The following PCDHGA4 variants were observed in gnomAD, a reference collection of about 807,000 sequenced individuals.
The protein encoded by PCDHGA4 is protocadherin gamma-A4.
A neutral mutation model predicts 54.6 loss-of-function variants in PCDHGA4; 38 were observed. The observed-to-expected ratio is 0.70, with a 90% CI of 0.54 to 0.91. PCDHGA4 has a LOEUF of 0.91. Ranked by LOEUF, PCDHGA4 falls within the 40% of genes least tolerant of loss-of-function variation. PCDHGA4 has a pLI of 0.00. For missense variants in PCDHGA4, 1,298 were observed against 1,220.9 expected (o/e 1.06, Z -0.94); for synonymous variants, 511 against 512.9 (o/e 1.00, Z 0.05).
chr5:141,484,549 G>A (rs939394402), intron 1 of PCDHGA4, among the ~76,000 whole-genome samples: 1 of 152,162 alleles, frequency 6.6e-6, no homozygotes, highest in African/African-American at 2.4e-5. Context: ...GTTCTAATTA[G>A]CAGTTGCTCC....
intron 1 of PCDHGA4, chr5:141,360,018 A>T: frequency 3.3e-6 from 4 of 1,225,148 alleles, no homozygotes; most frequent in Non-Finnish European, 4.4e-6. Flanking sequence ...CACACAGAGA[A>T]GGCCAGTATA....
chr5:141,417,683 A>AAG lies in PCDHGA4; in HGVS notation c.2514+60063_2514+60064insGA, dbSNP rs201105096. 3.0e-3 allele frequency: 3,154 copies of AAG among 1,038,272 alleles called. 110 individuals carry two copies. In the East Asian group the frequency reaches 0.071, roughly 24 times the overall value. The allele number at this position is 1,038,272 out of a possible 1,614,324, so 64.3% of individuals were successfully genotyped here. The stretch of plus-strand genomic sequence containing the variant: ...GATTCCCTGCGCAGCCAACAACAGA[A>AAG]AAGAAAACCAGCTCCCACACAGAGG... On this transcript the variant is annotated intron_variant, in intron 1 of 3. Transcript: ENST00000571252.
At chr5:141,360,289 A>G in intron 1 of PCDHGA4, 6 of 1,613,996 alleles carry the variant, frequency 3.7e-6, no homozygotes, top group Middle Eastern at 1.6e-4. Flanking sequence ...AAACCTCGCC[A>G]AGGATCTGGG....
At position 141,487,075 on chromosome 5, in the gene PCDHGA4, C is replaced by T. The variant is rs755563146; in HGVS notation, c.2515-7732C>T. The T allele has an allele frequency of 1.9e-6, 3 of 1,614,116 alleles. No individual in the cohort carries two copies. The highest frequency in any genetic ancestry group is 2.5e-6 in the Non-Finnish European group (3 of 1,179,982). ...GGGAGGTGCGGACGGCTGTTCCTATCCCAGCTGACCTCCCACCACAGAAGC... is the reference window on the plus strand; with the variant it reads ...GGGAGGTGCGGACGGCTGTTCCTATTCCAGCTGACCTCCCACCACAGAAGC... On this transcript the variant is annotated intron_variant, in intron 1 of 3. Transcript: ENST00000571252. This position sits in a 1 kb window ranked among gnomAD's most constrained non-coding sequence, Gnocchi z 5.0.
Position 141,477,102 on chromosome 5 carries a change from C to T in PCDHGA4, c.2515-17705C>T. 2.5e-6 allele frequency: 4 copies of T among 1,614,232 alleles called. No homozygotes were observed. The South Asian group carries it at 4.4e-5, about 18-fold the overall frequency. On this transcript the variant is annotated intron_variant, in intron 1 of 3. Coordinates refer to ENST00000571252, the MANE Select transcript of PCDHGA4 (RefSeq NM_018917.4). This position sits in a 1 kb window ranked among gnomAD's most constrained non-coding sequence, Gnocchi z 4.9. Reference sequence around the variant, plus strand: ...TACATCCAGGCCAAAGACAAGGGCGCCAATCCCGAAGGAGCACATTGCAAA... The same window carrying T: ...TACATCCAGGCCAAAGACAAGGGCGTCAATCCCGAAGGAGCACATTGCAAA...
Position 141,432,248 on chromosome 5 carries a change from C to T in PCDHGA4, c.2515-62559C>T. Reference sequence around the variant, plus strand: ...TTATTCCCTGGCTGAGAACACCATCCAAGGGGCAAGCCTATCGTCCTACGT... The same window carrying T: ...TTATTCCCTGGCTGAGAACACCATCTAAGGGGCAAGCCTATCGTCCTACGT... On this transcript the variant is annotated intron_variant, in intron 1 of 3. Transcript: ENST00000571252. This position sits in a 1 kb window ranked among gnomAD's most constrained non-coding sequence, Gnocchi z 6.0. 1.2e-6 allele frequency: 2 copies of T among 1,614,244 alleles called. No individual in the cohort carries two copies. Among genetic ancestry groups the T allele is most frequent in the South Asian group, 1.1e-5 (1 of 91,090 alleles).
In PCDHGA4 at chr5:141,453,101, TTTTTG is replaced by T. The variant is rs879618609; in HGVS notation, c.2515-41681_2515-41677del. ...GTTGATTAGTATATTTTCTGTTGCT[TTTTTG>T]TTTTGTTTTGTTTTGTTTTGTTTTT... On this transcript the variant is annotated intron_variant, in intron 1 of 3. Transcript: ENST00000571252. 4.4e-4 allele frequency among the ~76,000 whole-genome samples: 67 copies of T among 152,130 alleles called. 1 individual carries two copies. Among genetic ancestry groups the T allele is most frequent in the African/African-American group, 1.4e-3 (58 of 41,484 alleles).
At chr5:141,426,487 G>A (rs999549044) in intron 1 of PCDHGA4, 2 of 333,788 alleles carry the variant, frequency 6.0e-6, no homozygotes, top group African/African-American at 4.3e-5. Context: ...AAACCTTAGA[G>A]TTAGTGCAGA....
At chr5:141,389,919 C>T (rs777835466) in intron 1 of PCDHGA4, 22 of 1,613,962 alleles carry the variant, frequency 1.4e-5, no homozygotes, top group Middle Eastern at 1.6e-4. Context: ...CCGCCCCGAC[C>T]CCTCTGACCT....
chr5:141,430,951 C>A, intron 1 of PCDHGA4: 3 of 1,610,496 alleles, frequency 1.9e-6, no homozygotes, highest in Non-Finnish European at 2.5e-6. Flanking sequence ...AGCGCGGAGT[C>A]CGCATCATCC....
Position 141,490,282 on chromosome 5 carries a change from C to T in PCDHGA4, c.2515-4525C>T, listed in dbSNP as rs763429413. 1.2e-6 allele frequency: 2 copies of T among 1,614,194 alleles called. No individual in the cohort carries two copies. The highest frequency in any genetic ancestry group is 1.7e-6 in the Non-Finnish European group (2 of 1,180,036). ...TGTGGGGGATGTCAATGACAATGCC[C>T]CAGAGGTGCTATTGGCCTCTTTGGC... On this transcript the variant is annotated intron_variant, in intron 1 of 3. Transcript: ENST00000571252. This position sits in a 1 kb window ranked among gnomAD's most constrained non-coding sequence, Gnocchi z 5.4.
rs1018272442 is a variant in PCDHGA4 at position 141,419,770 on chromosome 5, G to T, written c.2514+62149G>T. The stretch of plus-strand genomic sequence containing the variant: ...TGCGTGCTTTGGGTGACAAGGACTC[G>T]GTCCGCCAGCGCCTGCTAGTCGCTG... On this transcript the variant is annotated intron_variant, in intron 1 of 3. Transcript: ENST00000571252. 6.2e-6 allele frequency: 10 copies of T among 1,613,888 alleles called. No homozygotes were observed. The African/African-American group carries it at 1.2e-4, about 19-fold the overall frequency.
intron 1 of PCDHGA4, chr5:141,419,997 T>C: frequency 2.5e-6 from 4 of 1,614,088 alleles, no homozygotes; most frequent in Non-Finnish European, 3.4e-6. Flanking sequence ...GCTATTGCTC[T>C]ACGCCTGCGA....
At chr5:141,446,968 G>A (rs1052445705) in intron 1 of PCDHGA4, among the ~76,000 whole-genome samples, 12 of 152,050 alleles carry the variant, frequency 7.9e-5, no homozygotes, top group African/African-American at 2.4e-4. Flanking sequence ...AGGGAAATTT[G>A]CTGTCTAATT....
At chr5:141,389,997 A>T (rs1278035747) in intron 1 of PCDHGA4, 1 of 1,613,962 alleles carries the variant, frequency 6.2e-7, no homozygotes, top group Non-Finnish European at 8.5e-7. Flanking sequence ...CCTCGTGGCC[A>T]TGATTCTGGC....
intron 1 of PCDHGA4, among the ~76,000 whole-genome samples, chr5:141,425,159 G>C (rs557552439): frequency 6.6e-6 from 1 of 152,126 alleles, no homozygotes; most frequent in South Asian, 2.1e-4. Context: ...AGCATCTAGG[G>C]ATAGGATTTA....
chr5:141,408,873 CCACCG>C (rs776180805), intron 1 of PCDHGA4: 50 of 1,613,104 alleles, frequency 3.1e-5, no homozygotes, highest in Non-Finnish European at 4.1e-5. Context: ...CCAAGAAGTG[CCACCG>C]CTCACATAGA....
At chr5:141,417,621 A>G in intron 1 of PCDHGA4, 1 of 662,852 alleles carries the variant, frequency 1.5e-6, no homozygotes, top group Non-Finnish European at 2.4e-6. Context: ...GTGCAGAGCA[A>G]GCGCTGACGC....
At position 141,476,573 on chromosome 5, in the gene PCDHGA4, C is replaced by T; in HGVS notation, c.2515-18234C>T. 6.2e-7 allele frequency: 1 copy of T among 1,614,216 alleles called. No homozygotes were observed. Among genetic ancestry groups the T allele is most frequent in the Non-Finnish European group, 8.5e-7 (1 of 1,180,038 alleles). On this transcript the variant is annotated intron_variant, in intron 1 of 3. Coordinates refer to ENST00000571252, the MANE Select transcript of PCDHGA4 (RefSeq NM_018917.4). The surrounding 1 kb of genome is among the most constrained non-coding windows in gnomAD (Gnocchi z 7.6). ...TAGCGAGGCCGTGGCTCCGGGGACG[C>T]GCTTTCCGCTCGAGAGCGCGCACGA... is the stretch of plus-strand genomic sequence containing the variant.
Sources: allele counts gnomAD v4.1 joint callset (sites outside exome capture counted in the v4.1 genomes callset), GRCh38; gene constraint gnomAD v4.1.1; non-coding constraint Gnocchi (gnomAD v3.1); transcripts MANE v1.5; gene names NCBI Gene and HGNC (gene_info 2026-07-23, HGNC 2026-07-21).